BNC2: variants seen among roughly 807,000 people sequenced by gnomAD.
BNC2 encodes the protein basonuclin zinc finger protein 2.
In BNC2, 20 loss-of-function variants were observed where a neutral mutation model predicts 76.3. That is an observed-to-expected ratio of 0.26 (90% CI 0.18 to 0.38). The LOEUF is 0.38. Ranked by LOEUF, BNC2 falls within the 10% of genes least tolerant of loss-of-function variation. The probability of loss-of-function intolerance (pLI) is 1.00; values close to 1 mark genes in which losing one functional copy is unlikely to be tolerated. For synonymous variants in BNC2, 582 were observed against 514.8 expected, an observed-to-expected ratio of 1.13 and a Z score of -1.77; for missense variants, 1,382 against 1,399.8, an observed-to-expected ratio of 0.99 and a Z score of 0.20.
chr9:16,659,367 T>C (rs959649016), intron 3 of BNC2, among the ~76,000 whole-genome samples: 4 of 152,150 alleles, frequency 2.6e-5, no homozygotes, highest in East Asian at 1.9e-4. Flanking sequence ...CACAGCACTT[T>C]GGGGGGCCGA....
In BNC2 at chr9:16,418,880, C is replaced by G. The variant is rs1820647516; in HGVS notation, c.*109G>C. ...CACAGAGCATACATAAATGCACACACACACACACACACACACACACCCCAA... is the reference window on the plus strand; with the variant it reads ...CACAGAGCATACATAAATGCACACAGACACACACACACACACACACCCCAA... On this transcript the variant is annotated 3_prime_UTR_variant, in exon 7 of 7. Coordinates refer to ENST00000380672, the MANE Select transcript of BNC2 (RefSeq NM_017637.6). The G allele has an allele frequency of 8.3e-7, 1 of 1,209,764 alleles. No homozygotes were observed. Among genetic ancestry groups the G allele is most frequent in the Non-Finnish European group, 1.2e-6 (1 of 817,484 alleles). The allele number at this position is 1,209,764 out of a possible 1,614,324, so 74.9% of individuals were successfully genotyped here.
rs191152302 is a variant in BNC2 at position 16,861,721 on chromosome 9, G to A, written c.3+8925C>T. ...GACAATAACAAGGGCCAGGCGCGGT[G>A]GCTCACGCCTGAAATCCCAACACTT... On this transcript the variant is annotated intron_variant, in intron 1 of 6. Coordinates refer to ENST00000380672, the MANE Select transcript of BNC2 (RefSeq NM_017637.6). Among the ~76,000 whole-genome samples the A allele has an allele frequency of 1.2e-4, 19 of 152,342 alleles. No individual in the cohort carries two copies. In the East Asian group the frequency reaches 3.7e-3, roughly 29 times the overall value.
At chr9:16,609,084 G>C (rs552507814) in intron 3 of BNC2, among the ~76,000 whole-genome samples, 4 of 152,198 alleles carry the variant, frequency 2.6e-5, no homozygotes, top group Non-Finnish European at 4.4e-5. Flanking sequence ...GAATGAAAGG[G>C]GATACAGCAG....
At chr9:16,596,256 C>T (rs1820072230) in intron 3 of BNC2, among the ~76,000 whole-genome samples, 1 of 152,060 alleles carries the variant, frequency 6.6e-6, no homozygotes, top group South Asian at 2.1e-4. Context: ...CAGGGGAGAT[C>T]AACCTATTTA....
intron 3 of BNC2, among the ~76,000 whole-genome samples, chr9:16,607,960 G>A (rs1820430025): frequency 6.6e-6 from 1 of 152,058 alleles, no homozygotes; most frequent in South Asian, 2.1e-4. Flanking sequence ...GACCAATATG[G>A]AGTTCCAGGT....
At chr9:16,776,616 TA>T (rs1825974890) in intron 1 of BNC2, among the ~76,000 whole-genome samples, 1 of 152,206 alleles carries the variant, frequency 6.6e-6, no homozygotes, top group East Asian at 1.9e-4. Flanking sequence ...TGTAAAGACG[TA>T]ATTTTAATTG....
At chr9:16,699,834 A>C (rs12375507) in intron 3 of BNC2, among the ~76,000 whole-genome samples, 18,185 of 152,258 alleles carry the variant, frequency 0.12, 1,318 homozygotes, top group South Asian at 0.25. Context: ...CACTATATTC[A>C]TGAAAGAGAC....
chr9:16,745,822 G>C (rs1824984043), intron 1 of BNC2, among the ~76,000 whole-genome samples: 2 of 152,196 alleles, frequency 1.3e-5, no homozygotes, highest in Admixed American at 1.3e-4. Context: ...GACTGTATCA[G>C]GGGCCCTGCT....
At chr9:16,795,400 A>G (rs1166330307) in intron 1 of BNC2, among the ~76,000 whole-genome samples, 1 of 148,442 alleles carries the variant, frequency 6.7e-6, no homozygotes, top group East Asian at 2.0e-4. Flanking sequence ...TTTTTTTTTT[A>G]AACACACTCC....
intron 3 of BNC2, among the ~76,000 whole-genome samples, chr9:16,644,983 G>A (rs1324076483): frequency 1.1e-4 from 16 of 152,118 alleles, no homozygotes; most frequent in Non-Finnish European, 2.2e-4. Flanking sequence ...TCACAAAGTC[G>A]TCAGCATTGT....
intron 4 of BNC2, among the ~76,000 whole-genome samples, chr9:16,581,333 G>T (rs1368017296): frequency 4.6e-5 from 7 of 152,184 alleles, no homozygotes; most frequent in Admixed American, 4.6e-4. Flanking sequence ...GCCGAGGCTG[G>T]CAGATCATGA....
intron 1 of BNC2, among the ~76,000 whole-genome samples, chr9:16,807,215 C>T (rs1046242392): frequency 1.3e-5 from 2 of 152,146 alleles, no homozygotes; most frequent in Middle Eastern, 3.2e-3. Context: ...AGTGTCAACA[C>T]CACAGATCTC....
At chr9:16,799,120 CT>C (rs1037924729) in intron 1 of BNC2, among the ~76,000 whole-genome samples, 135 of 151,074 alleles carry the variant, frequency 8.9e-4, no homozygotes, top group African/African-American at 2.3e-3. Context: ...CATTATTTTC[CT>C]TTTTTTTTCC....
chr9:16,699,084 G>T (rs773187120), intron 3 of BNC2: 14 of 419,198 alleles, frequency 3.3e-5, no homozygotes, highest in Non-Finnish European at 1.4e-5. Context: ...GTTACTTTTG[G>T]TTTGGGTAGT....
At chr9:16,443,610 G>C (rs1011617707) in intron 5 of BNC2, among the ~76,000 whole-genome samples, 4 of 152,158 alleles carry the variant, frequency 2.6e-5, no homozygotes, top group African/African-American at 9.7e-5. Context: ...AGATGTTCAA[G>C]TCTTAGGGGT....
In BNC2 at chr9:16,419,668, AGGGGGGGTACGTGGAT is replaced by A; in HGVS notation, c.2640-35_2640-20del. On this transcript the variant is annotated intron_variant, in intron 6 of 6. Coordinates refer to ENST00000380672, the MANE Select transcript of BNC2 (RefSeq NM_017637.6). ...ACTGTGTCTAGGAAAACAAGAGGGA[AGGGGGGGTACGTGGAT>A]GGGGGGTGGGGAAAGGTGAGAAAAA... 2 of 578,606 alleles carry A rather than the reference AGGGGGGGTACGTGGAT, an allele frequency of 3.5e-6. No homozygotes were observed. The highest frequency in any genetic ancestry group is 6.0e-6 in the Non-Finnish European group (2 of 330,906). 35.8% of individuals were successfully genotyped at this position (578,606 alleles called of 1,614,324 possible). A position where few individuals can be genotyped will look rare whatever the true frequency, so the allele number is the denominator to read the frequency against.
At chr9:16,750,477 G>T (rs978235247) in intron 1 of BNC2, among the ~76,000 whole-genome samples, 1 of 152,156 alleles carries the variant, frequency 6.6e-6, no homozygotes, top group Admixed American at 6.6e-5. Context: ...GCATTACGGA[G>T]ATGTTAGACA....
At chr9:16,848,464 T>C (rs117846007) in intron 1 of BNC2, among the ~76,000 whole-genome samples, 1 of 152,178 alleles carries the variant, frequency 6.6e-6, no homozygotes, top group African/African-American at 2.4e-5. Context: ...GGAGTTACAG[T>C]ACATGACAAT....
chr9:16,805,952 A>AAT (rs1334963554), intron 1 of BNC2, among the ~76,000 whole-genome samples: 1 of 152,298 alleles, frequency 6.6e-6, no homozygotes, highest in African/African-American at 2.4e-5. Flanking sequence ...TTCTAATGTG[A>AAT]AATAGTTTGT....
Sources: gnomAD v4.1 joint callset for allele counts (sites outside exome capture counted in the v4.1 genomes callset) on GRCh38, gnomAD v4.1.1 for gene constraint, MANE v1.5 for transcripts, NCBI Gene and HGNC (gene_info 2026-07-23, HGNC 2026-07-21) for gene names.